Variants in DOCK5 observed in about 807,000 individuals in gnomAD.
DOCK5 encodes dedicator of cytokinesis protein 5.
Under a neutral mutation model 251.8 loss-of-function variants are expected in DOCK5, and 142 were observed. The observed-to-expected ratio is 0.56, with a 90% CI of 0.49 to 0.65. DOCK5 has a LOEUF of 0.65. Ranked by LOEUF, DOCK5 falls within the 30% of genes least tolerant of loss-of-function variation. The pLI is 0.00. For synonymous variants in DOCK5, 842 were observed against 835.5 expected, an observed-to-expected ratio of 1.01 and a Z score of -0.13; for missense variants, 2,111 against 2,312.3, an observed-to-expected ratio of 0.91 and a Z score of 1.79.
intron 21 of DOCK5, among the ~76,000 whole-genome samples, chr8:25,335,692 A>G (rs1728551381): frequency 6.6e-6 from 1 of 152,182 alleles, no homozygotes; most frequent in African/African-American, 2.4e-5. Context: ...CTAGAAAGAC[A>G]CAAAGAGCAA....
chr8:25,366,864 G>T lies in DOCK5; in HGVS notation c.3124-6G>T. On this transcript the variant is annotated splice_polypyrimidine_tract_variant and splice_region_variant and intron_variant, in intron 30 of 51. Transcript: ENST00000276440. ...TCCCTTTACCCACACAATTAATTTTGAACAGCTCTGGAACAATTACTTCCA... is the reference window on the plus strand; with the variant it reads ...TCCCTTTACCCACACAATTAATTTTTAACAGCTCTGGAACAATTACTTCCA... 1 of 1,608,630 alleles carries T rather than the reference G, an allele frequency of 6.2e-7. No individual in the cohort carries two copies. Among genetic ancestry groups the T allele is most frequent in the South Asian group, 1.1e-5 (1 of 90,452 alleles).
At chr8:25,200,368 G>A (rs1230832392) in intron 1 of DOCK5, among the ~76,000 whole-genome samples, 4 of 152,172 alleles carry the variant, frequency 2.6e-5, no homozygotes, top group Non-Finnish European at 5.9e-5. Context: ...TCAAGTGTTG[G>A]CTAATTGGGG....
intron 13 of DOCK5, among the ~76,000 whole-genome samples, chr8:25,313,146 T>A (rs1296831511): frequency 6.6e-6 from 1 of 152,126 alleles, no homozygotes; most frequent in African/African-American, 2.4e-5. Context: ...TGTTGTCCCA[T>A]CACCACGTGA....
At chr8:25,259,567 C>T (rs1185926360) in intron 2 of DOCK5, among the ~76,000 whole-genome samples, 2 of 152,144 alleles carry the variant, frequency 1.3e-5, no homozygotes, top group African/African-American at 2.4e-5. Context: ...GTGATCCTCC[C>T]GCCTCAGCTT....
chr8:25,364,883 G>T, intron 30 of DOCK5, 179 bp downstream of exon 30: 1 of 487,264 alleles, frequency 2.1e-6, no homozygotes. Flanking sequence ...CAACAAAATA[G>T]GGGTGGTTTC....
chr8:25,293,282 A>G (rs1044158046), intron 6 of DOCK5, among the ~76,000 whole-genome samples: 2 of 152,080 alleles, frequency 1.3e-5, no homozygotes, highest in Admixed American at 6.5e-5. Flanking sequence ...TCCCTCAGAG[A>G]CCTATTAAAA....
chr8:25,373,609 TCCTGGCAGA>T lies in DOCK5; in HGVS notation c.3685-8_3685del. ...GTTGGGATTCTGTGATCCTTTTTTT[TCCTGGCAGA>T]ACTTTTATAAAGAAAAGAAGAGAGA... On this transcript the variant is annotated splice_acceptor_variant and splice_polypyrimidine_tract_variant and coding_sequence_variant and intron_variant, in exon 36 of 52. Coordinates refer to ENST00000276440, the MANE Select transcript of DOCK5 (RefSeq NM_024940.8). LOFTEE classifies it high-confidence loss of function. 1 of 1,590,302 alleles carries T rather than the reference TCCTGGCAGA, an allele frequency of 6.3e-7. No individual in the cohort carries two copies. The highest frequency in any genetic ancestry group is 1.1e-5 in the South Asian group (1 of 87,030).
intron 29 of DOCK5, 53 bp from the exon 30 acceptor site, chr8:25,364,573 A>G: frequency 2.2e-6 from 3 of 1,334,102 alleles, no homozygotes; most frequent in Non-Finnish European, 3.2e-6. Flanking sequence ...AGGTGGGAAA[A>G]GGTTTCAAAG....
intron 2 of DOCK5, among the ~76,000 whole-genome samples, chr8:25,250,221 C>T (rs373277886): frequency 1.3e-5 from 2 of 152,160 alleles, no homozygotes; most frequent in East Asian, 3.9e-4. Flanking sequence ...TTTTTTCACT[C>T]ATTTGACTCT....
intron 20 of DOCK5, 30 bp from the exon 21 acceptor site, chr8:25,334,066 G>A (rs1197803168): frequency 2.6e-6 from 4 of 1,543,610 alleles, no homozygotes; most frequent in South Asian, 2.2e-5. Context: ...ATTGTGCAGT[G>A]CTGCTATTTC....
intron 28 of DOCK5, among the ~76,000 whole-genome samples, chr8:25,362,729 C>T (rs1800709348): frequency 6.6e-6 from 1 of 152,136 alleles, no homozygotes; most frequent in Admixed American, 6.5e-5. Flanking sequence ...TAAGCCACTA[C>T]ACCCAACCCT....
chr8:25,264,632 T>C (rs908868951), intron 2 of DOCK5, among the ~76,000 whole-genome samples: 2 of 151,530 alleles, frequency 1.3e-5, no homozygotes, highest in African/African-American at 4.9e-5. Context: ...TCAAGACCAG[T>C]CTGGCCAACG....
intron 26 of DOCK5, among the ~76,000 whole-genome samples, chr8:25,346,964 G>A (rs555083543): frequency 4.6e-5 from 7 of 152,258 alleles, no homozygotes; most frequent in African/African-American, 1.7e-4. Flanking sequence ...GAACAGTTGA[G>A]GGCTGAGAAA....
chr8:25,370,844 A>C (rs6993247), intron 34 of DOCK5, among the ~76,000 whole-genome samples: 2 of 151,242 alleles, frequency 1.3e-5, no homozygotes, highest in East Asian at 2.0e-4. Context: ...GGGTCTTGCT[A>C]TGTTGCCCAG....
At chr8:25,383,292 G>T (rs1416931833) in intron 40 of DOCK5, among the ~76,000 whole-genome samples, 1 of 152,100 alleles carries the variant, frequency 6.6e-6, no homozygotes, top group Non-Finnish European at 1.5e-5. Flanking sequence ...GTTTCTTTTA[G>T]AGCTGAGCTT....
rs916293073 is a variant in DOCK5, at chr8:25,209,179, G to A, written c.43+24228G>A. Among the ~76,000 whole-genome samples, 44 of 18,660 alleles carry A rather than the reference G, an allele frequency of 2.4e-3. 17 individuals carry two copies. Among genetic ancestry groups the A allele is most frequent in the African/African-American group, 3.3e-3 (42 of 12,916 alleles). 12.2% of individuals were successfully genotyped at this position (18,660 alleles called of 152,430 possible). A position where few individuals can be genotyped will look rare whatever the true frequency, so the allele number is the denominator to read the frequency against. On this transcript the variant is annotated intron_variant, in intron 1 of 51. Coordinates refer to ENST00000276440, the MANE Select transcript of DOCK5 (RefSeq NM_024940.8). ...TTTGAAGGAGGCTCAGAGCACATTA[G>A]CGCCGTCATCCCTGTCTGATGTTCT...
chr8:25,246,597 G>T (rs1803117618), intron 2 of DOCK5, among the ~76,000 whole-genome samples: 3 of 152,192 alleles, frequency 2.0e-5, no homozygotes, highest in Admixed American at 1.3e-4. Context: ...TCTTAAATCA[G>T]CAGATGGATG....
chr8:25,374,259 C>G (rs1247074562), intron 36 of DOCK5, among the ~76,000 whole-genome samples: 4 of 152,078 alleles, frequency 2.6e-5, no homozygotes, highest in Non-Finnish European at 5.9e-5. Context: ...GGCAGGGAAG[C>G]AGGCTGGGGT....
At chr8:25,366,525 T>G (rs1800777186) in intron 30 of DOCK5, among the ~76,000 whole-genome samples, 1 of 152,194 alleles carries the variant, frequency 6.6e-6, no homozygotes, top group Non-Finnish European at 1.5e-5. Flanking sequence ...TTCATCAGGA[T>G]AAAGTCCTAA....
Sources: allele counts gnomAD v4.1 joint callset (sites outside exome capture counted in the v4.1 genomes callset), GRCh38; gene constraint gnomAD v4.1.1; transcripts MANE v1.5; gene names NCBI Gene and HGNC (gene_info 2026-07-23, HGNC 2026-07-21).